DNAAF11: variants seen among roughly 807,000 people sequenced by gnomAD.
DNAAF11 encodes dynein axonemal assembly factor 11.
In DNAAF11, 45 loss-of-function variants were observed where a neutral mutation model predicts 60.8. The observed-to-expected ratio is 0.74, with a 90% CI of 0.58 to 0.95. The LOEUF is 0.95. Among genes scored for constraint, DNAAF11 ranks in the 40% least tolerant of loss-of-function variants. The pLI is 0.00. For missense variants in DNAAF11, 546 were observed against 546.2 expected, an observed-to-expected ratio of 1.00 and a Z score of 0.00; for synonymous variants, 191 against 183.5, an observed-to-expected ratio of 1.04 and a Z score of -0.33.
intron 1 of DNAAF11, among the ~76,000 whole-genome samples, chr8:132,663,205 C>T (rs779759175): frequency 8.5e-5 from 13 of 152,146 alleles, no homozygotes; most frequent in Non-Finnish European, 1.6e-4. Context: ...AACCCTGCTG[C>T]CAGCACCATT....
Position 132,625,473 on chromosome 8 carries a change from GC to G in DNAAF11, c.654-20del, listed in dbSNP as rs777342714. 1.8e-5 allele frequency: 29 copies of G among 1,575,722 alleles called. No individual in the cohort carries two copies. The highest frequency in any genetic ancestry group is 2.5e-5 in the Non-Finnish European group (29 of 1,161,310). On this transcript the variant is annotated intron_variant, in intron 5 of 11. Transcript: ENST00000620350. ...AGAGGAACTAGGAAAAACAAATAGA[GC>G]ACTTAAAAACAATAATGGATTCATG... is the stretch of plus-strand genomic sequence containing the variant.
intron 6 of DNAAF11, among the ~76,000 whole-genome samples, chr8:132,624,200 G>A (rs1450677418): frequency 6.6e-6 from 1 of 152,118 alleles, no homozygotes; most frequent in Non-Finnish European, 1.5e-5. Flanking sequence ...AAGGGCTCTT[G>A]AGTCTGCAAA....
At chr8:132,696,751 G>C in the DNAAF11 span, among the ~76,000 whole-genome samples, 6 of 152,146 alleles carry the variant, frequency 3.9e-5, no homozygotes, top group African/African-American at 1.4e-4. Context: ...AACTTGAATG[G>C]AGCTGGAGGC....
chr8:132,633,238 T>A (rs1171009148), intron 4 of DNAAF11, among the ~76,000 whole-genome samples: 1 of 152,180 alleles, frequency 6.6e-6, no homozygotes, highest in Non-Finnish European at 1.5e-5. Flanking sequence ...ATTAATTTTA[T>A]AATTGCTCAC....
intron 11 of DNAAF11, among the ~76,000 whole-genome samples, chr8:132,574,871 C>A (rs1324565195): frequency 6.6e-6 from 1 of 152,128 alleles, no homozygotes; most frequent in African/African-American, 2.4e-5. Flanking sequence ...GAACTGAATC[C>A]AAATCTCTGG....
intron 1 of DNAAF11, among the ~76,000 whole-genome samples, chr8:132,672,280 G>T (rs1429715422): frequency 6.6e-6 from 1 of 152,102 alleles, no homozygotes; most frequent in African/African-American, 2.4e-5. Context: ...AAAGACACTA[G>T]ATCTTCTCTA....
rs181666378 is a variant in DNAAF11, at chr8:132,572,303, G to A, written c.*3C>T. The A allele has an allele frequency of 6.2e-7, 1 of 1,611,854 alleles. No homozygotes were observed. The highest frequency in any genetic ancestry group is 1.7e-5 in the Admixed American group (1 of 59,640). ...TCAGCCAATGGCAACGCAGCCAGAT[G>A]TTTCAAATCAGCGGAGGCACTTCAG... On this transcript the variant is annotated 3_prime_UTR_variant, in exon 12 of 12. Coordinates refer to ENST00000620350, the MANE Select transcript of DNAAF11 (RefSeq NM_012472.6).
At chr8:132,697,953 A>C in the DNAAF11 span, among the ~76,000 whole-genome samples, 1 of 152,184 alleles carries the variant, frequency 6.6e-6, no homozygotes, top group Non-Finnish European at 1.5e-5. Flanking sequence ...GACAGAAAAT[A>C]TTAATAAAAT....
intron 10 of DNAAF11, among the ~76,000 whole-genome samples, chr8:132,607,781 C>T (rs1408537356): frequency 3.9e-5 from 6 of 152,132 alleles, no homozygotes; most frequent in Non-Finnish European, 8.8e-5. Flanking sequence ...AAATCTCACT[C>T]TCTTTAGGGC....
intron 1 of DNAAF11, among the ~76,000 whole-genome samples, chr8:132,674,917 C>T (rs1825636236): frequency 6.6e-6 from 1 of 152,154 alleles, no homozygotes; most frequent in Non-Finnish European, 1.5e-5. Context: ...ACGTTTATAA[C>T]ACTTACTGTG....
intron 3 of DNAAF11, among the ~76,000 whole-genome samples, chr8:132,654,766 T>C (rs1156900690): frequency 1.3e-5 from 2 of 150,904 alleles, no homozygotes; most frequent in Non-Finnish European, 3.0e-5. Context: ...AAAACTTAGA[T>C]GCAAAAAAGT....
chr8:132,650,843 A>G (rs546160857), intron 3 of DNAAF11, among the ~76,000 whole-genome samples: 97 of 152,348 alleles, frequency 6.4e-4, no homozygotes, highest in African/African-American at 2.3e-3. Flanking sequence ...AAAGCCTCCA[A>G]TGAGGTGAAA....
intron 3 of DNAAF11, among the ~76,000 whole-genome samples, chr8:132,652,080 T>C (rs1823073170): frequency 6.6e-6 from 1 of 152,222 alleles, no homozygotes; most frequent in African/African-American, 2.4e-5. Context: ...TAGGCTAAAA[T>C]CCACCATGAC....
At chr8:132,644,995 A>T (rs1180181921) in intron 3 of DNAAF11, among the ~76,000 whole-genome samples, 2 of 152,306 alleles carry the variant, frequency 1.3e-5, no homozygotes, top group East Asian at 1.9e-4. Flanking sequence ...TGGTCCTCCC[A>T]GCATGGAGTT....
rs183617022 is a variant in DNAAF11 at position 132,621,530 on chromosome 8, G to A, written c.914+1081C>T. Among the ~76,000 whole-genome samples, 43 of 152,248 alleles carry A rather than the reference G, an allele frequency of 2.8e-4. No homozygotes were observed. The East Asian group carries it at 7.0e-3, about 25-fold the overall frequency. ...GAGGCTGCAGTGTGTGGGAAGAGTG[G>A]TGGTCTTACCAGAGACACATGGAGT... On this transcript the variant is annotated intron_variant, in intron 7 of 11. Transcript: ENST00000620350.
At chr8:132,595,348 G>A (rs2738440) in intron 10 of DNAAF11, among the ~76,000 whole-genome samples, 51,428 of 57,406 alleles carry the variant, frequency 0.9, 23,275 homozygotes, top group Middle Eastern at 0.98. Context: ...AGACAGAGGG[G>A]AAAAAAAAAA....
At chr8:132,660,516 T>G (rs1425024190) in intron 2 of DNAAF11, among the ~76,000 whole-genome samples, 1 of 152,170 alleles carries the variant, frequency 6.6e-6, no homozygotes. Flanking sequence ...CTGTGCTTTC[T>G]CTTTCCGGGT....
At chr8:132,634,046 GAA>G (rs895770432) in intron 4 of DNAAF11, among the ~76,000 whole-genome samples, 1 of 148,670 alleles carries the variant, frequency 6.7e-6, no homozygotes, top group South Asian at 2.1e-4. Flanking sequence ...CATAAAAAAG[GAA>G]AAAAAAATAC....
At chr8:132,667,959 T>C (rs2130861788) in intron 1 of DNAAF11, among the ~76,000 whole-genome samples, 1 of 152,342 alleles carries the variant, frequency 6.6e-6, no homozygotes, top group Non-Finnish European at 1.5e-5. Flanking sequence ...TTAGTGTTCA[T>C]TCCTTCAGGC....
Sources: allele counts gnomAD v4.1 joint callset (sites outside exome capture counted in the v4.1 genomes callset), GRCh38; gene constraint gnomAD v4.1.1; transcripts MANE v1.5; gene names NCBI Gene and HGNC (gene_info 2026-07-23, HGNC 2026-07-21).